PCLO: variants seen among roughly 807,000 people sequenced by gnomAD.
PCLO encodes the protein protein piccolo.
Under a neutral mutation model 427.5 loss-of-function variants are expected in PCLO, and 82 were observed. That is an observed-to-expected ratio of 0.19 (90% CI 0.16 to 0.23). The LOEUF (loss-of-function observed/expected upper bound fraction) is 0.23, where lower values mean the gene tolerates loss of function less well. Among genes scored for constraint, PCLO ranks in the 10% least tolerant of loss-of-function variants. The probability of loss-of-function intolerance (pLI) is 1.00; values close to 1 mark genes in which losing one functional copy is unlikely to be tolerated. For missense variants in PCLO, 6,239 were observed against 6,115.9 expected (o/e 1.02, Z -0.67); for synonymous variants, 2,357 against 2,155.4 (o/e 1.09, Z -2.59).
chr7:82,926,028 G>A (rs921526341), intron 6 of PCLO, among the ~76,000 whole-genome samples: 1 of 151,800 alleles, frequency 6.6e-6, no homozygotes, highest in African/African-American at 2.4e-5. Context: ...TTGCTTCAAG[G>A]CATACAAAAA....
At chr7:82,823,046 T>G (rs1034083296) in intron 19 of PCLO, among the ~76,000 whole-genome samples, 6 of 152,050 alleles carry the variant, frequency 3.9e-5, no homozygotes, top group Non-Finnish European at 7.4e-5. Flanking sequence ...AAAAACAGGA[T>G]GAAGGATGTG....
intron 3 of PCLO, among the ~76,000 whole-genome samples, chr7:83,064,008 A>G (rs542065978): frequency 1.3e-5 from 2 of 152,186 alleles, no homozygotes; most frequent in South Asian, 4.1e-4. Flanking sequence ...TAATTCAATG[A>G]AAACCTATTA....
chr7:82,918,685 G>A (rs993323617), intron 6 of PCLO, among the ~76,000 whole-genome samples: 4 of 151,960 alleles, frequency 2.6e-5, no homozygotes, highest in African/African-American at 9.7e-5. Context: ...TTCTTAACAT[G>A]TATGTGGTAG....
In PCLO at chr7:82,953,965, G is replaced by T. The variant is rs929029668; in HGVS notation, c.6988C>A (p.Arg2330=). 1 of 1,613,862 alleles carries T rather than the reference G, an allele frequency of 6.2e-7. No individual in the cohort carries two copies. The highest frequency in any genetic ancestry group is 8.5e-7 in the Non-Finnish European group (1 of 1,179,836). ...YRDKKELEAE[R]TKSSLSETVF... is the part of the protein sequence containing the mutation. ...GTTTCGGATAAGCTACTTTTTGTTCGTTCGGCCTCCAACTCCTTTTTATCT... is the reference window on the plus strand; with the variant it reads ...GTTTCGGATAAGCTACTTTTTGTTCTTTCGGCCTCCAACTCCTTTTTATCT... Residue 2330 remains arginine, a synonymous_variant, in exon 5 of 25, where the codon CGA becomes AGA. Coordinates refer to ENST00000333891, the MANE Select transcript of PCLO (RefSeq NM_033026.6).
chr7:82,952,263 A>T lies in PCLO; in HGVS notation c.8690T>A (p.Val2897Glu), dbSNP rs1795372949. Reference sequence around the variant, plus strand: ...AGACTTGGTTGTACTGAGATCCACTACTTCCCCATCAGTGATTCCCTGGGA... The same window carrying T: ...AGACTTGGTTGTACTGAGATCCACTTCTTCCCCATCAGTGATTCCCTGGGA... ...TVSQGITDGE[V>E]VDLSTTKSHR... Residue 2897 changes from valine (V) to glutamate (E), a missense_variant, in exon 5 of 25, where the codon GTA becomes GAA. Val to Glu is a moderately radical substitution (Grantham distance 121, BLOSUM62 -2). This residue lies in a region of PCLO where 4,677 missense variants were observed against 4,468.4 expected (regional missense o/e 1.05). Coordinates refer to ENST00000333891, the MANE Select transcript of PCLO (RefSeq NM_033026.6). 2 of 1,613,892 alleles carry T rather than the reference A, an allele frequency of 1.2e-6. No individual in the cohort carries two copies. Among genetic ancestry groups the T allele is most frequent in the Non-Finnish European group, 1.7e-6 (2 of 1,179,828 alleles).
chr7:82,904,672 T>G (rs1255089293), intron 8 of PCLO, among the ~76,000 whole-genome samples: 1 of 152,024 alleles, frequency 6.6e-6, no homozygotes, highest in Non-Finnish European at 1.5e-5. Flanking sequence ...TGGGGAGACG[T>G]TGATGTAATC....
chr7:82,777,400 AT>A (rs201303225), intron 22 of PCLO, among the ~76,000 whole-genome samples: 1,590 of 152,240 alleles, frequency 0.01, 33 homozygotes, highest in African/African-American at 0.036. Flanking sequence ...CTAGAAAAAA[AT>A]ATTTTAAAAT....
chr7:83,125,976 T>TAA lies in PCLO; in HGVS notation c.3300+8272_3300+8273dup, dbSNP rs1791429072. Among the ~76,000 whole-genome samples the TAA allele has an allele frequency of 2.0e-5, 3 of 152,264 alleles. No individual in the cohort carries two copies. The South Asian group carries it at 6.2e-4, about 32-fold the overall frequency. On this transcript the variant is annotated intron_variant, in intron 3 of 24. Coordinates refer to ENST00000333891, the MANE Select transcript of PCLO (RefSeq NM_033026.6). ...CAATAGCCAATATTTGGAATCAACC[T>TAA]AAATGTCCATCAACAGATGAATGGA...
chr7:82,938,999 C>T (rs1457064050), intron 6 of PCLO, among the ~76,000 whole-genome samples: 7 of 151,910 alleles, frequency 4.6e-5, no homozygotes, highest in Non-Finnish European at 1.0e-4. Context: ...TGTATATTCC[C>T]CTTTTTCTTT....
intron 3 of PCLO, among the ~76,000 whole-genome samples, chr7:82,994,679 T>C (rs1796455217): frequency 6.6e-6 from 1 of 151,728 alleles, no homozygotes; most frequent in African/African-American, 2.4e-5. Context: ...TGCATAATAA[T>C]CACATCATGG....
chr7:82,945,376 T>C, intron 6 of PCLO, among the ~76,000 whole-genome samples: 1 of 151,432 alleles, frequency 6.6e-6, no homozygotes, highest in East Asian at 1.9e-4. Context: ...TTGGATATAT[T>C]TTATGGGTCG....
At chr7:82,814,530 T>C (rs967432333) in intron 20 of PCLO, among the ~76,000 whole-genome samples, 3 of 151,214 alleles carry the variant, frequency 2.0e-5, no homozygotes, top group Non-Finnish European at 3.0e-5. Flanking sequence ...TACTTAAATG[T>C]TTAAGCTGGA....
intron 22 of PCLO, among the ~76,000 whole-genome samples, chr7:82,800,800 T>A (rs887937856): frequency 6.6e-6 from 1 of 151,990 alleles, no homozygotes; most frequent in Non-Finnish European, 1.5e-5. Flanking sequence ...TTCGCCATGT[T>A]GGTCTCGAAC....
At chr7:82,777,507 T>C (rs891843169) in intron 22 of PCLO, among the ~76,000 whole-genome samples, 2 of 152,128 alleles carry the variant, frequency 1.3e-5, no homozygotes, top group Non-Finnish European at 2.9e-5. Context: ...CAACCTATAC[T>C]GTGGGGCTAT....
intron 3 of PCLO, among the ~76,000 whole-genome samples, chr7:83,025,736 T>A (rs1273937596): frequency 6.6e-6 from 1 of 152,054 alleles, no homozygotes; most frequent in African/African-American, 2.4e-5. Context: ...GGGAAGCCCA[T>A]CAGACTAACA....
At chr7:82,892,256 C>A (rs1195935777) in intron 9 of PCLO, among the ~76,000 whole-genome samples, 4 of 151,926 alleles carry the variant, frequency 2.6e-5, no homozygotes, top group Non-Finnish European at 1.5e-5. Flanking sequence ...AGGACAGAGC[C>A]CTCAGAAATA....
chr7:82,859,086 A>G (rs1238949214), intron 10 of PCLO, among the ~76,000 whole-genome samples: 1 of 152,180 alleles, frequency 6.6e-6, no homozygotes, highest in African/African-American at 2.4e-5. Context: ...CAGCTGCAAT[A>G]CAATAGAACA....
chr7:83,033,203 G>C (rs1471460668), intron 3 of PCLO, among the ~76,000 whole-genome samples: 1 of 152,104 alleles, frequency 6.6e-6, no homozygotes, highest in Non-Finnish European at 1.5e-5. Context: ...ATCTCAGGTT[G>C]TATCTTTATA....
chr7:82,926,610 T>G (rs1794717975), intron 6 of PCLO, among the ~76,000 whole-genome samples: 1 of 152,200 alleles, frequency 6.6e-6, no homozygotes, highest in African/African-American at 2.4e-5. Flanking sequence ...TTTTCCTTAA[T>G]GCGCCTCTTG....
Sources: gnomAD v4.1 joint callset for allele counts (sites outside exome capture counted in the v4.1 genomes callset) on GRCh38, gnomAD v4.1.1 for gene constraint, gnomAD v4.1.1 regional missense constraint, MANE v1.5 for transcripts, NCBI Gene and HGNC (gene_info 2026-07-23, HGNC 2026-07-21) for gene names.